The following RBFOX1 variants were observed in gnomAD, a reference collection of about 807,000 sequenced individuals.
RBFOX1 encodes the protein RNA binding fox-1 homolog 1, also known as RNA binding protein fox-1 homolog 1.
A neutral mutation model predicts 57.7 loss-of-function variants in RBFOX1; 8 were observed. The observed-to-expected ratio is 0.14, with a 90% confidence interval of 0.08 to 0.25. The LOEUF is 0.25. Among genes scored for constraint, RBFOX1 ranks in the 10% least tolerant of loss-of-function variants. The pLI is 1.00. For synonymous variants in RBFOX1, 326 were observed against 222.4 expected (o/e 1.47, Z -4.15); for missense variants, 611 against 548.5 (o/e 1.11, Z -1.14).
intron 3 of RBFOX1, among the ~76,000 whole-genome samples, chr16:6,758,991 A>G (rs1009259830): frequency 2.0e-5 from 3 of 152,136 alleles, no homozygotes; most frequent in Admixed American, 6.5e-5. Flanking sequence ...ACTTAAATCT[A>G]TTCAGACAAT....
chr16:7,617,948 G>C (rs2058721645), intron 10 of RBFOX1, among the ~76,000 whole-genome samples: 1 of 151,750 alleles, frequency 6.6e-6, no homozygotes, highest in African/African-American at 2.4e-5. Context: ...ATATGGAGGT[G>C]GTTGGTAGGG....
At chr16:6,861,898 C>T (rs1691579132) in intron 3 of RBFOX1, among the ~76,000 whole-genome samples, 1 of 119,852 alleles carries the variant, frequency 8.3e-6, no homozygotes, top group South Asian at 2.9e-4. Context: ...ATGTCGTTAA[C>T]ATTAACAAGA....
intron 3 of RBFOX1, among the ~76,000 whole-genome samples, chr16:7,040,017 A>G (rs1321928012): frequency 1.3e-5 from 2 of 150,436 alleles, no homozygotes; most frequent in Non-Finnish European, 3.0e-5. Context: ...TATTATTATT[A>G]TTATCATTAT....
At chr16:6,797,162 C>T (rs962320820) in intron 3 of RBFOX1, among the ~76,000 whole-genome samples, 2 of 152,146 alleles carry the variant, frequency 1.3e-5, no homozygotes, top group Non-Finnish European at 2.9e-5. Context: ...GCAGCAGCAG[C>T]AGAATTTGTT....
At chr16:6,926,610 C>G (rs1427583987) in intron 3 of RBFOX1, among the ~76,000 whole-genome samples, 1 of 152,180 alleles carries the variant, frequency 6.6e-6, no homozygotes, top group African/African-American at 2.4e-5. Context: ...CTGGGGCTGT[C>G]TCCTCCCTTT....
chr16:7,665,473 A>G (rs573738787), intron 13 of RBFOX1, among the ~76,000 whole-genome samples: 1 of 152,246 alleles, frequency 6.6e-6, no homozygotes, highest in South Asian at 2.1e-4. Context: ...TGATTCTCTT[A>G]ATATGTATGT....
intron 4 of RBFOX1, among the ~76,000 whole-genome samples, chr16:7,434,613 T>A (rs914801903): frequency 1.3e-5 from 2 of 152,096 alleles, no homozygotes; most frequent in East Asian, 3.9e-4. Context: ...CCTAAGGGGA[T>A]CCTAAAGTTT....
At chr16:6,886,144 C>G (rs1280585254) in intron 3 of RBFOX1, among the ~76,000 whole-genome samples, 1 of 151,150 alleles carries the variant, frequency 6.6e-6, no homozygotes, top group Non-Finnish European at 1.5e-5. Context: ...TCACTGCATC[C>G]TCCGCCCCCA....
chr16:7,654,667 T>A (rs1286452185), intron 12 of RBFOX1, among the ~76,000 whole-genome samples: 1 of 152,178 alleles, frequency 6.6e-6, no homozygotes, highest in Non-Finnish European at 1.5e-5. Flanking sequence ...CTGGTGTGTT[T>A]GGTGGCAGTC....
intron 1 of RBFOX1, among the ~76,000 whole-genome samples, chr16:5,339,067 T>C (rs1010328847): frequency 6.6e-6 from 1 of 152,140 alleles, no homozygotes; most frequent in Non-Finnish European, 1.5e-5. Flanking sequence ...TATTATCTTA[T>C]TAACTACAGT....
At chr16:7,612,851 C>G (rs2057780347) in intron 10 of RBFOX1, among the ~76,000 whole-genome samples, 2 of 152,160 alleles carry the variant, frequency 1.3e-5, no homozygotes, top group South Asian at 2.1e-4. Context: ...ATCATATCTG[C>G]CAACTCATTT....
intron 1 of RBFOX1, among the ~76,000 whole-genome samples, chr16:5,376,775 C>G (rs1485501449): frequency 1.3e-5 from 2 of 151,620 alleles, no homozygotes; most frequent in Non-Finnish European, 2.9e-5. Context: ...TTCTTTCCTT[C>G]CAAGCTTGGG....
At chr16:6,860,047 T>C (rs771644684) in intron 3 of RBFOX1, among the ~76,000 whole-genome samples, 2 of 152,198 alleles carry the variant, frequency 1.3e-5, no homozygotes, top group African/African-American at 2.4e-5. Context: ...TGGAACGAGC[T>C]ATAATACCGA....
intron 3 of RBFOX1, among the ~76,000 whole-genome samples, chr16:6,733,757 TA>T (rs111588735): frequency 0.053 from 8,011 of 151,450 alleles, 331 homozygotes; most frequent in Non-Finnish European, 0.078. Context: ...GACCCTGCCT[TA>T]AAAAAAAATT....
intron 2 of RBFOX1, among the ~76,000 whole-genome samples, chr16:6,373,173 T>C (rs1294374033): frequency 7.1e-6 from 1 of 140,642 alleles, no homozygotes; most frequent in East Asian, 2.1e-4. Context: ...TAGGAGGATG[T>C]TTGGGTGGAG....
chr16:7,684,528 G>T (rs907272371), intron 14 of RBFOX1, among the ~76,000 whole-genome samples: 1 of 151,812 alleles, frequency 6.6e-6, no homozygotes, highest in Non-Finnish European at 1.5e-5. Flanking sequence ...CAATCATTTA[G>T]ATTGAAATGC....
intron 4 of RBFOX1, among the ~76,000 whole-genome samples, chr16:7,063,546 T>C (rs960170999): frequency 2.0e-5 from 3 of 152,210 alleles, no homozygotes; most frequent in Non-Finnish European, 4.4e-5. Flanking sequence ...TTTAAGCCAT[T>C]TCTCAAGTGG....
At chr16:5,701,793 GA>G (rs1567417263) in intron 3 of RBFOX1, among the ~76,000 whole-genome samples, 1 of 152,134 alleles carries the variant, frequency 6.6e-6, no homozygotes, top group African/African-American at 2.4e-5. Context: ...TGGCATCCTT[GA>G]AAAATAGGTC....
At chr16:6,683,249 A>G (rs1335733286) in intron 3 of RBFOX1, among the ~76,000 whole-genome samples, 1 of 152,212 alleles carries the variant, frequency 6.6e-6, no homozygotes, top group Non-Finnish European at 1.5e-5. Context: ...AAAAGGACAT[A>G]GTTCCAGTGC....
Sources: gnomAD v4.1 joint callset for allele counts (sites outside exome capture counted in the v4.1 genomes callset) on GRCh38, gnomAD v4.1.1 for gene constraint, MANE v1.5 for transcripts, NCBI Gene and HGNC (gene_info 2026-07-23, HGNC 2026-07-21) for gene names.